The following CLMN variants were observed in gnomAD, a reference collection of about 807,000 sequenced individuals.
CLMN encodes the protein calmin (calponin-like, transmembrane).
CLMN carries 57 observed loss-of-function variants against 92.7 expected under a neutral mutation model. The ratio of observed to expected loss-of-function variants is 0.61; its 90% CI spans 0.50 to 0.77. The LOEUF (loss-of-function observed/expected upper bound fraction) is 0.77. Among genes scored for constraint, CLMN ranks in the 30% least tolerant of loss-of-function variants. CLMN has a pLI of 0.00. For synonymous variants in CLMN, 466 were observed against 470.6 expected (o/e 0.99, Z 0.13); for missense variants, 1,158 against 1,237.5 (o/e 0.94, Z 0.96).
rs530027182 is a variant in CLMN, at chr14:95,308,177, CT to C, written c.82+11533del. Among the ~76,000 whole-genome samples the C allele has an allele frequency of 8.9e-4, 136 of 152,344 alleles. 1 individual carries two copies. In the South Asian group the frequency reaches 0.013, roughly 14 times the overall value. On this transcript the variant is annotated intron_variant, in intron 1 of 12. Transcript: ENST00000298912. ...CCCCGGGGAATCACCAGGCAGAAAT[CT>C]TCAGTCAAGAAGTCAGCCTTTACTT...
chr14:95,220,483 G>A (rs1318201154), intron 4 of CLMN, among the ~76,000 whole-genome samples: 1 of 152,156 alleles, frequency 6.6e-6, no homozygotes, highest in African/African-American at 2.4e-5. Flanking sequence ...AGCCATCTAA[G>A]TCACATTTTG....
intron 1 of CLMN, among the ~76,000 whole-genome samples, chr14:95,268,375 TA>T (rs35568472): frequency 0.045 from 5,636 of 123,886 alleles, 279 homozygotes; most frequent in African/African-American, 0.13. Context: ...TTATGCTATG[TA>T]AAAAAAAAAA....
chr14:95,226,888 T>C (rs1897728772), intron 2 of CLMN, among the ~76,000 whole-genome samples: 1 of 152,184 alleles, frequency 6.6e-6, no homozygotes, highest in African/African-American at 2.4e-5. Flanking sequence ...CGAAACCCGA[T>C]TCTTAATAAG....
intron 1 of CLMN, chr14:95,307,605 C>T (rs1440304236): frequency 6.6e-6 from 1 of 152,418 alleles, no homozygotes; most frequent in African/African-American, 2.4e-5. Context: ...GAACTCAATA[C>T]AGGCCATTGC....
intron 3 of CLMN, 127 bp downstream of exon 3, chr14:95,223,633 T>A (rs1897616752): frequency 6.0e-6 from 4 of 665,982 alleles, no homozygotes; most frequent in Non-Finnish European, 9.9e-6. Flanking sequence ...TAGGCACTAA[T>A]AAAAAAAGTC....
At chr14:95,239,414 C>T (rs1220756228) in intron 1 of CLMN, among the ~76,000 whole-genome samples, 1 of 152,146 alleles carries the variant, frequency 6.6e-6, no homozygotes, top group Admixed American at 6.6e-5. Context: ...GAAAAGTATT[C>T]GCTTTTTACA....
intron 1 of CLMN, among the ~76,000 whole-genome samples, chr14:95,313,446 T>G (rs1901627375): frequency 6.6e-6 from 1 of 152,184 alleles, no homozygotes; most frequent in Non-Finnish European, 1.5e-5. Context: ...CCAATAAAAC[T>G]TTATACACAA....
Position 95,317,793 on chromosome 14 carries a change from C to T in CLMN, c.82+1918G>A, listed in dbSNP as rs575315750. Among the ~76,000 whole-genome samples the T allele has an allele frequency of 7.2e-5, 11 of 152,228 alleles. No individual in the cohort carries two copies. The East Asian group carries it at 1.7e-3, about 24-fold the overall frequency. On this transcript the variant is annotated intron_variant, in intron 1 of 12. Coordinates refer to ENST00000298912, the MANE Select transcript of CLMN (RefSeq NM_024734.4). ...TACATCTTGATCTGGGTGGTTGTTA[C>T]ATAGATGTACTCATACATAAAGTTT... is the stretch of plus-strand genomic sequence containing the variant.
chr14:95,217,956 A>G (rs1897405526), intron 4 of CLMN, among the ~76,000 whole-genome samples: 1 of 152,236 alleles, frequency 6.6e-6, no homozygotes, highest in African/African-American at 2.4e-5. Context: ...CGAGGCCCCA[A>G]GGGGCAGATA....
chr14:95,289,168 CT>C (rs1425703668), intron 1 of CLMN, among the ~76,000 whole-genome samples: 8 of 152,118 alleles, frequency 5.3e-5, no homozygotes, highest in Non-Finnish European at 1.0e-4. Flanking sequence ...ACTCTGTACA[CT>C]TTACTGTTAT....
Position 95,232,070 on chromosome 14 carries a change from C to G in CLMN, c.83-1937G>C, listed in dbSNP as rs576412544. The stretch of plus-strand genomic sequence containing the variant: ...GAGGGGCAAATAGTTAATAAAACAG[C>G]CCAGGTGGAACTCCATTCTGTGCTT... On this transcript the variant is annotated intron_variant, in intron 1 of 12. Transcript: ENST00000298912. Among the ~76,000 whole-genome samples, 310 of 152,316 alleles carry G rather than the reference C, an allele frequency of 2.0e-3. 1 individual carries two copies. The highest frequency in any genetic ancestry group is 7.2e-3 in the African/African-American group (299 of 41,566).
chr14:95,243,692 T>C (rs562922360), intron 1 of CLMN, among the ~76,000 whole-genome samples: 95 of 150,546 alleles, frequency 6.3e-4, no homozygotes, highest in Non-Finnish European at 1.3e-3. Flanking sequence ...ATAGATCAAA[T>C]TTTGTTCAAG....
At chr14:95,243,900 T>C (rs1200250049) in intron 1 of CLMN, among the ~76,000 whole-genome samples, 1 of 152,114 alleles carries the variant, frequency 6.6e-6, no homozygotes, top group East Asian at 1.9e-4. Flanking sequence ...AGGTGGGGCC[T>C]GGTGGGAGGT....
intron 1 of CLMN, among the ~76,000 whole-genome samples, chr14:95,234,108 C>T (rs1002640149): frequency 6.6e-6 from 1 of 152,190 alleles, no homozygotes; most frequent in Non-Finnish European, 1.5e-5. Flanking sequence ...ACTGGCTGGG[C>T]GACCTTGGGC....
chr14:95,271,722 G>C (rs189806131), intron 1 of CLMN, among the ~76,000 whole-genome samples: 2 of 152,256 alleles, frequency 1.3e-5, no homozygotes, highest in East Asian at 3.9e-4. Flanking sequence ...ATGAATTTTA[G>C]CCTGTATATC....
chr14:95,269,396 T>C (rs1247154502), intron 1 of CLMN, among the ~76,000 whole-genome samples: 1 of 152,242 alleles, frequency 6.6e-6, no homozygotes, highest in Non-Finnish European at 1.5e-5. Context: ...TGATATTCAA[T>C]ATGAGTATAA....
intron 8 of CLMN, among the ~76,000 whole-genome samples, chr14:95,208,505 G>A (rs1274122919): frequency 6.6e-6 from 1 of 152,194 alleles, no homozygotes; most frequent in Non-Finnish European, 1.5e-5. Flanking sequence ...TTGTAACATT[G>A]ATAAAAATCT....
chr14:95,237,782 G>A (rs1449225822), intron 1 of CLMN, among the ~76,000 whole-genome samples: 1 of 152,118 alleles, frequency 6.6e-6, no homozygotes, highest in East Asian at 1.9e-4. Flanking sequence ...TTTTATATAA[G>A]TGACCTCCCG....
chr14:95,197,513 C>T (rs1896753811), intron 9 of CLMN, among the ~76,000 whole-genome samples: 1 of 152,140 alleles, frequency 6.6e-6, no homozygotes, highest in Non-Finnish European at 1.5e-5. Flanking sequence ...ATCCTGGAAG[C>T]TAGGTGGGCC....
Sources: gnomAD v4.1 joint callset for allele counts (sites outside exome capture counted in the v4.1 genomes callset) on GRCh38, gnomAD v4.1.1 for gene constraint, MANE v1.5 for transcripts, NCBI Gene and HGNC (gene_info 2026-07-23, HGNC 2026-07-21) for gene names.